Variants in CSMD3 observed in about 807,000 individuals in gnomAD.
The protein encoded by CSMD3 is CUB and sushi domain-containing protein 3.
CSMD3 carries 177 observed loss-of-function variants against 435.2 expected under a neutral mutation model. The observed-to-expected ratio is 0.41, with a 90% CI of 0.36 to 0.46. The LOEUF (loss-of-function observed/expected upper bound fraction) is 0.46, where lower values mean the gene tolerates loss of function less well. Among genes scored for constraint, CSMD3 ranks in the 20% least tolerant of loss-of-function variants. The pLI, the probability that CSMD3 is intolerant of heterozygous loss-of-function variation, is 0.34. For synonymous variants in CSMD3, 1,656 were observed against 1,520.5 expected (o/e 1.09, Z -2.07); for missense variants, 4,265 against 4,504.6 (o/e 0.95, Z 1.52).
chr8:113,273,931 G>A (rs1199828121), intron 3 of CSMD3, among the ~76,000 whole-genome samples: 2 of 151,908 alleles, frequency 1.3e-5, no homozygotes, highest in Non-Finnish European at 2.9e-5. Flanking sequence ...TAAATTGGTA[G>A]CAATTGCCTA....
intron 67 of CSMD3, among the ~76,000 whole-genome samples, chr8:112,236,164 T>C (rs1367909478): frequency 6.6e-6 from 1 of 151,954 alleles, no homozygotes; most frequent in Non-Finnish European, 1.5e-5. Context: ...CTAAAATTTA[T>C]AAAATCAATG....
intron 27 of CSMD3, among the ~76,000 whole-genome samples, chr8:112,544,331 T>C (rs1445095107): frequency 2.6e-5 from 4 of 152,166 alleles, no homozygotes; most frequent in African/African-American, 9.7e-5. Context: ...TTTAAAATGA[T>C]GAGGATGTAT....
chr8:113,346,628 A>T (rs1262346670), intron 1 of CSMD3, among the ~76,000 whole-genome samples: 6 of 152,102 alleles, frequency 3.9e-5, no homozygotes, highest in Non-Finnish European at 7.4e-5. Flanking sequence ...TGATCTCTGT[A>T]TCTTTACCCT....
chr8:112,594,563 C>A (rs1831510219), intron 22 of CSMD3, among the ~76,000 whole-genome samples: 1 of 152,180 alleles, frequency 6.6e-6, no homozygotes, highest in African/African-American at 2.4e-5. Context: ...CCTCTGGGGG[C>A]AGGGCACAAA....
intron 31 of CSMD3, among the ~76,000 whole-genome samples, chr8:112,491,257 C>T (rs1186083804): frequency 6.6e-6 from 1 of 151,406 alleles, no homozygotes; most frequent in African/African-American, 2.5e-5. Flanking sequence ...ATATCATAGA[C>T]CAATTCAAAC....
chr8:113,350,735 C>T (rs910408509), intron 1 of CSMD3, among the ~76,000 whole-genome samples: 1 of 152,006 alleles, frequency 6.6e-6, no homozygotes, highest in Non-Finnish European at 1.5e-5. Flanking sequence ...CACAGCCTAC[C>T]TAATATTCTT....
chr8:112,459,848 T>C (rs1213748556), intron 32 of CSMD3, among the ~76,000 whole-genome samples: 2 of 152,134 alleles, frequency 1.3e-5, no homozygotes, highest in African/African-American at 2.4e-5. Context: ...TAAAAATATA[T>C]AGTCCCTTTC....
intron 1 of CSMD3, among the ~76,000 whole-genome samples, chr8:113,397,841 T>C (rs1332475608): frequency 6.8e-6 from 1 of 147,816 alleles, no homozygotes; most frequent in Non-Finnish European, 1.5e-5. Flanking sequence ...AATAAATAAA[T>C]AAATAAATAA....
At chr8:112,292,260 AAG>A (rs1563747097) in intron 55 of CSMD3, among the ~76,000 whole-genome samples, 1 of 152,154 alleles carries the variant, frequency 6.6e-6, no homozygotes, top group Non-Finnish European at 1.5e-5. Flanking sequence ...AGATACAAAT[AAG>A]AGAGTTAGAA....
In CSMD3 at chr8:112,334,053, T is replaced by C. The variant is rs1039545968; in HGVS notation, c.7165+1276A>G. ...CAACTCAGTAGGAAAGGCAAATAAA[T>C]TATTTTTTTAAAAAAAACAGCCGGA... On this transcript the variant is annotated intron_variant, in intron 45 of 70. Coordinates refer to ENST00000297405, the MANE Select transcript of CSMD3 (RefSeq NM_198123.2). Among the ~76,000 whole-genome samples the C allele has an allele frequency of 2.0e-5, 3 of 152,140 alleles. No homozygotes were observed. The South Asian group carries it at 6.2e-4, about 31-fold the overall frequency.
At chr8:113,051,744 A>G (rs931608127) in intron 5 of CSMD3, among the ~76,000 whole-genome samples, 6 of 152,200 alleles carry the variant, frequency 3.9e-5, no homozygotes, top group African/African-American at 1.4e-4. Context: ...TTTGAAATTC[A>G]TCACATTGCT....
At chr8:113,309,550 G>A (rs1322488693) in intron 2 of CSMD3, 1 of 152,082 alleles carries the variant, frequency 6.6e-6, no homozygotes, top group African/African-American at 2.4e-5. Flanking sequence ...ACTTACATTT[G>A]ATTTTATCTT....
chr8:112,798,158 C>A (rs185826970), intron 13 of CSMD3, among the ~76,000 whole-genome samples: 16 of 151,586 alleles, frequency 1.1e-4, no homozygotes, highest in Non-Finnish European at 8.8e-5. Context: ...GAAGGATGAG[C>A]GAGAAGGTGC....
intron 22 of CSMD3, among the ~76,000 whole-genome samples, chr8:112,600,694 CT>C (rs1309488108): frequency 4.7e-5 from 7 of 150,118 alleles, no homozygotes; most frequent in Admixed American, 3.3e-4. Flanking sequence ...CTTTTCTTTT[CT>C]TTTTTTTTGA....
chr8:113,306,126 CTTAT>C (rs1355609632), intron 2 of CSMD3, among the ~76,000 whole-genome samples: 3 of 152,092 alleles, frequency 2.0e-5, no homozygotes, highest in Non-Finnish European at 2.9e-5. Context: ...TATTGCTTTT[CTTAT>C]TTATTGAGAA....
intron 13 of CSMD3, among the ~76,000 whole-genome samples, chr8:112,785,912 A>G (rs1012738964): frequency 2.0e-5 from 3 of 152,064 alleles, no homozygotes; most frequent in Admixed American, 2.0e-4. Context: ...TTCTTCACAG[A>G]AAAAGAAAAA....
At chr8:112,606,423 C>T (rs1200457267) in intron 22 of CSMD3, among the ~76,000 whole-genome samples, 1 of 152,142 alleles carries the variant, frequency 6.6e-6, no homozygotes, top group Non-Finnish European at 1.5e-5. Flanking sequence ...CTAATAGCTC[C>T]ACTGACTCCA....
chr8:113,312,099 T>C (rs2093874118), intron 2 of CSMD3: 1 of 152,058 alleles, frequency 6.6e-6, no homozygotes, highest in Non-Finnish European at 1.5e-5. Context: ...TACATAAACT[T>C]TGGAGATTGT....
chr8:113,411,530 C>A (rs1410418644), intron 1 of CSMD3, among the ~76,000 whole-genome samples: 1 of 152,120 alleles, frequency 6.6e-6, no homozygotes, highest in African/African-American at 2.4e-5. Flanking sequence ...TGATGACATT[C>A]TTTCAAAGCT....
Sources: allele counts gnomAD v4.1 joint callset (sites outside exome capture counted in the v4.1 genomes callset), GRCh38; gene constraint gnomAD v4.1.1; transcripts MANE v1.5; gene names NCBI Gene and HGNC (gene_info 2026-07-23, HGNC 2026-07-21).